PPFIA2: variants seen among roughly 807,000 people sequenced by gnomAD.
The protein encoded by PPFIA2 is liprin-alpha-2.
PPFIA2 carries 46 observed loss-of-function variants against 175.5 expected under a neutral mutation model. The observed-to-expected ratio is 0.26, with a 90% CI of 0.21 to 0.34. The LOEUF is 0.34. Among genes scored for constraint, PPFIA2 ranks in the 10% least tolerant of loss-of-function variants. The pLI is 1.00. For missense variants in PPFIA2, 1,179 were observed against 1,506.1 expected, an observed-to-expected ratio of 0.78 and a Z score of 3.60; for synonymous variants, 568 against 511.4, an observed-to-expected ratio of 1.11 and a Z score of -1.49.
intron 7 of PPFIA2, among the ~76,000 whole-genome samples, chr12:81,421,822 T>C (rs118178826): frequency 0.088 from 13,441 of 151,882 alleles, 833 homozygotes; most frequent in Middle Eastern, 0.17. Context: ...ATTTTACATA[T>C]AAAGACACAC....
chr12:81,513,498 C>G (rs528540202), intron 4 of PPFIA2, among the ~76,000 whole-genome samples: 1 of 151,938 alleles, frequency 6.6e-6, no homozygotes, highest in Admixed American at 6.6e-5. Context: ...ATGGAACCAA[C>G]CTAAGTTCCC....
intron 4 of PPFIA2, among the ~76,000 whole-genome samples, chr12:81,605,072 C>A (rs1477961291): frequency 6.6e-6 from 1 of 151,670 alleles, no homozygotes; most frequent in African/African-American, 2.4e-5. Flanking sequence ...AGAGCCTATG[C>A]TTTTATATCA....
chr12:81,581,006 T>C (rs2153427612), intron 4 of PPFIA2, among the ~76,000 whole-genome samples: 1 of 151,794 alleles, frequency 6.6e-6, no homozygotes, highest in East Asian at 1.9e-4. Flanking sequence ...GAACCTAAAT[T>C]GAGGGACTGT....
chr12:81,696,324 CAGG>C lies in PPFIA2; in HGVS notation c.250-19483_250-19481del, dbSNP rs2075885977. Among the ~76,000 whole-genome samples the C allele has an allele frequency of 2.0e-5, 3 of 152,044 alleles. No homozygotes were observed. The South Asian group carries it at 6.2e-4, about 32-fold the overall frequency. ...GTTTAAATTTTGATTTGCACATTGG[CAGG>C]AGGATAAATCTGGTCTTGTCAATTC... is the stretch of plus-strand genomic sequence containing the variant. On this transcript the variant is annotated intron_variant, in intron 3 of 32. Coordinates refer to ENST00000549396, the MANE Select transcript of PPFIA2 (RefSeq NM_003625.5).
intron 4 of PPFIA2, among the ~76,000 whole-genome samples, chr12:81,595,830 G>A (rs988021611): frequency 3.7e-4 from 57 of 152,076 alleles, no homozygotes; most frequent in Non-Finnish European, 7.5e-4. Flanking sequence ...GATGTTTAAC[G>A]AGAATATGGA....
rs545693813 is a variant in PPFIA2 at position 81,474,121 on chromosome 12, C to T, written c.304-16255G>A. Among the ~76,000 whole-genome samples, 20 of 152,158 alleles carry T rather than the reference C, an allele frequency of 1.3e-4. 1 individual carries two copies. The South Asian group carries it at 3.3e-3, about 25-fold the overall frequency. ...AGGAAAATATTCTCAACATTTCCTT[C>T]GTGTAGAATTGTATTCTTTATTTTT... is the stretch of plus-strand genomic sequence containing the variant. On this transcript the variant is annotated intron_variant, in intron 4 of 32. Coordinates refer to ENST00000549396, the MANE Select transcript of PPFIA2 (RefSeq NM_003625.5).
chr12:81,593,343 T>C (rs2058889595), intron 4 of PPFIA2, among the ~76,000 whole-genome samples: 1 of 152,200 alleles, frequency 6.6e-6, no homozygotes, highest in Admixed American at 6.5e-5. Flanking sequence ...TTAATAATCT[T>C]ACTTTGTGTG....
rs762166725 is a variant in PPFIA2 at position 81,448,175 on chromosome 12, T to G, written c.406-2455A>C. Reference sequence around the variant, plus strand: ...ATAAAGGATATCTGTTATTAGAGACTACCTAAATCTTTTGATCACACTCTT... The same window carrying G: ...ATAAAGGATATCTGTTATTAGAGACGACCTAAATCTTTTGATCACACTCTT... On this transcript the variant is annotated intron_variant, in intron 5 of 32. Transcript: ENST00000549396. 4.6e-5 allele frequency among the ~76,000 whole-genome samples: 7 copies of G among 152,302 alleles called. 1 individual carries two copies. Among genetic ancestry groups the G allele is most frequent in the Non-Finnish European group, 5.9e-5 (4 of 68,014 alleles).
intron 4 of PPFIA2, among the ~76,000 whole-genome samples, chr12:81,490,313 T>A (rs1522316): frequency 0.24 from 35,776 of 151,770 alleles, 4,310 homozygotes; most frequent in Admixed American, 0.28. Flanking sequence ...ATAGCCAATC[T>A]AAACATTACA....
intron 5 of PPFIA2, among the ~76,000 whole-genome samples, chr12:81,452,217 T>G (rs1056984428): frequency 2.0e-5 from 3 of 152,170 alleles, no homozygotes; most frequent in African/African-American, 7.2e-5. Context: ...ATCTTTTATT[T>G]TACTATGATT....
rs535759688 is a variant in PPFIA2 at position 81,384,107 on chromosome 12, C to G, written c.900G>C (p.Glu300Asp). The G allele has an allele frequency of 6.2e-7, 1 of 1,613,146 alleles. No homozygotes were observed. Among genetic ancestry groups the G allele is most frequent in the Admixed American group, 1.7e-5 (1 of 59,858 alleles). ...RLAALSSRVG[E>D]VEQEAETARK... is the part of the protein sequence containing the mutation. ...TTGCTGTCTCTGCTTCCTGTTCCACCTCTCCCACTCGGGAAGAAAGGGCTG... is the reference window on the plus strand; with the variant it reads ...TTGCTGTCTCTGCTTCCTGTTCCACGTCTCCCACTCGGGAAGAAAGGGCTG... The change falls in exon 9 of 33, where the codon GAG (glutamate) becomes GAC (aspartate). Residue 300 changes from glutamate (E) to aspartate (D), a missense_variant. By Grantham distance (45) the Glu-to-Asp change is conservative (BLOSUM62 2). Transcript: ENST00000549396.
chr12:81,548,215 C>T (rs2067288737), intron 4 of PPFIA2, among the ~76,000 whole-genome samples: 1 of 152,076 alleles, frequency 6.6e-6, no homozygotes, highest in Non-Finnish European at 1.5e-5. Flanking sequence ...AAACTCTAAG[C>T]TCTATTTACT....
intron 7 of PPFIA2, among the ~76,000 whole-genome samples, chr12:81,422,182 C>G (rs1367407679): frequency 1.4e-5 from 2 of 146,888 alleles, no homozygotes; most frequent in Admixed American, 1.4e-4. Flanking sequence ...ATGTCATTTT[C>G]ATGAGATCTC....
intron 4 of PPFIA2, among the ~76,000 whole-genome samples, chr12:81,654,040 G>A (rs955901527): frequency 1.3e-4 from 20 of 151,334 alleles, no homozygotes; most frequent in African/African-American, 4.4e-4. Context: ...TAACTGTCAT[G>A]GCATATACTC....
chr12:81,403,889 A>C (rs2042471021), intron 8 of PPFIA2, among the ~76,000 whole-genome samples: 1 of 152,116 alleles, frequency 6.6e-6, no homozygotes, highest in African/African-American at 2.4e-5. Context: ...CCCAATTCAG[A>C]GGTCAAATTG....
chr12:81,280,806 C>A (rs887056842), intron 27 of PPFIA2, among the ~76,000 whole-genome samples: 15 of 151,974 alleles, frequency 9.9e-5, no homozygotes, highest in African/African-American at 3.6e-4. Context: ...TAAAAAAACA[C>A]AAATATGTCT....
At chr12:81,276,648 C>A (rs962043196) in intron 28 of PPFIA2, among the ~76,000 whole-genome samples, 3 of 152,064 alleles carry the variant, frequency 2.0e-5, no homozygotes, top group Non-Finnish European at 4.4e-5. Context: ...TAAGGTACTT[C>A]TCAACATTTA....
intron 21 of PPFIA2, among the ~76,000 whole-genome samples, chr12:81,337,277 A>AT (rs1286346549): frequency 2.6e-5 from 4 of 152,206 alleles, no homozygotes; most frequent in Non-Finnish European, 5.9e-5. Flanking sequence ...CAAGCTGCTG[A>AT]TTCTGGCTTT....
intron 7 of PPFIA2, among the ~76,000 whole-genome samples, chr12:81,432,424 C>T (rs1025420348): frequency 2.6e-5 from 4 of 151,356 alleles, no homozygotes; most frequent in African/African-American, 9.7e-5. Flanking sequence ...TTAACATTAA[C>T]AGGTCTATCT....
Sources: allele counts gnomAD v4.1 joint callset (sites outside exome capture counted in the v4.1 genomes callset), GRCh38; gene constraint gnomAD v4.1.1; transcripts MANE v1.5; gene names NCBI Gene and HGNC (gene_info 2026-07-23, HGNC 2026-07-21).